Variants in CYP7A1 observed in about 807,000 individuals in gnomAD.
CYP7A1 encodes cytochrome P450 family 7 subfamily A member 1.
CYP7A1 carries 28 observed loss-of-function variants against 43.8 expected under a neutral mutation model. The ratio of observed to expected loss-of-function variants is 0.64; its 90% CI spans 0.47 to 0.88. The LOEUF (loss-of-function observed/expected upper bound fraction) is 0.88. CYP7A1 is among the 40% of genes least tolerant of loss of function. The pLI, the probability that CYP7A1 is intolerant of heterozygous loss-of-function variation, is 0.00. For synonymous variants in CYP7A1, 227 were observed against 222.5 expected (o/e 1.02, Z -0.18); for missense variants, 637 against 611.9 (o/e 1.04, Z -0.43).
At chr8:58,494,229 A>T (rs1020351377) in intron 4 of CYP7A1, among the ~76,000 whole-genome samples, 6 of 152,246 alleles carry the variant, frequency 3.9e-5, no homozygotes, top group Admixed American at 3.3e-4. Context: ...ATGGTGTGGC[A>T]GTGCAGGGTG....
rs1321573524 is a variant in CYP7A1, at chr8:58,498,281, CACAACACCTTATGGTATG to C, written c.251_268del (p.Ser84_Leu89del). ...TTTCCAATCAAAATATTTTCCGTGG[CACAACACCTTATGGTATG>C]ACAAGGGATTTGTGATGAAATGGAC... On this transcript the variant is annotated inframe_deletion, in exon 2 of 6. Transcript: ENST00000301645. The C allele has an allele frequency of 1.2e-6, 2 of 1,614,134 alleles. No individual in the cohort carries two copies. The highest frequency in any genetic ancestry group is 1.7e-6 in the Non-Finnish European group (2 of 1,180,018).
chr8:58,494,391 A>G, intron 4 of CYP7A1, 115 bp downstream of exon 4: 1 of 1,136,938 alleles, frequency 8.8e-7, no homozygotes. Flanking sequence ...GAGAAAACTC[A>G]TATGAAATAT....
Position 58,491,700 on chromosome 8 carries a change from T to C in CYP7A1, c.1290A>G (p.Leu430=). 1.9e-6 allele frequency: 3 copies of C among 1,613,586 alleles called. No homozygotes were observed. The highest frequency in any genetic ancestry group is 2.5e-6 in the Non-Finnish European group (3 of 1,179,466). The part of the protein sequence containing the change: ...KTTFYCNGLK[L]KYYYMPFGSG... ...ATCCAAAGGGCATGTAGTAATACTT[T>C]AACTTGAGTCCATTACAATAGAAGG... The change falls in exon 6 of 6, where the codon TTA becomes TTG. Residue 430 remains leucine (L), a synonymous_variant. Transcript: ENST00000301645.
intron 4 of CYP7A1, 69 bp downstream of exon 4, chr8:58,494,437 T>C: frequency 3.9e-6 from 6 of 1,527,080 alleles, no homozygotes; most frequent in Non-Finnish European, 5.4e-6. Flanking sequence ...AGTATATAAT[T>C]TATGTTGGTC....
At position 58,494,490 on chromosome 8, in the gene CYP7A1, T is replaced by A; in HGVS notation, c.1039+16A>T. ...AGGACATAGAAAATGAAACTCAACA[T>A]AACAAGTATACCCACCTAATACTGG... On this transcript the variant is annotated intron_variant, in intron 4 of 5. Transcript: ENST00000301645. 1 of 1,613,562 alleles carries A rather than the reference T, an allele frequency of 6.2e-7. No individual in the cohort carries two copies. Among genetic ancestry groups the A allele is most frequent in the Non-Finnish European group, 8.5e-7 (1 of 1,179,596 alleles).
At chr8:58,494,928 G>A (rs1222916944) in intron 3 of CYP7A1, among the ~76,000 whole-genome samples, 3 of 152,066 alleles carry the variant, frequency 2.0e-5, no homozygotes, top group Non-Finnish European at 4.4e-5. Context: ...GAGGTCAGGA[G>A]TTTGAGACCA....
At chr8:58,495,312 G>A (rs920726715) in intron 3 of CYP7A1, among the ~76,000 whole-genome samples, 31 of 150,724 alleles carry the variant, frequency 2.1e-4, no homozygotes, top group African/African-American at 6.8e-4. Context: ...CGCAAGCTCC[G>A]CCTCCCGGGT....
At position 58,491,762 on chromosome 8, in the gene CYP7A1, C is replaced by G. The variant is rs757124756; in HGVS notation, c.1228G>C (p.Asp410His). ...IYPDPLTFKY[D>H]RYLDENGKTK... The stretch of plus-strand genomic sequence containing the variant: ...TTCCCGTTTTCATCAAGATACCTAT[C>G]ATATTTAAAAGTCTGCAATAAAAAT... The change falls in exon 6 of 6, where the codon GAT becomes CAT. Residue 410 changes from aspartate (D) to histidine (H), a missense_variant. Asp to His is a moderately conservative substitution (Grantham distance 81). Coordinates refer to ENST00000301645, the MANE Select transcript of CYP7A1 (RefSeq NM_000780.4). 2.0e-5 allele frequency: 33 copies of G among 1,613,310 alleles called. No homozygotes were observed. Among genetic ancestry groups the G allele is most frequent in the Non-Finnish European group, 2.8e-5 (33 of 1,179,332 alleles).
At chr8:58,492,217 T>G in intron 5 of CYP7A1, 136 bp downstream of exon 5, 3 of 882,314 alleles carry the variant, frequency 3.4e-6, no homozygotes, top group Non-Finnish European at 1.9e-6. Context: ...CCAAAATATA[T>G]GAATATTTAA....
At chr8:58,492,197 T>A (rs552145192) in intron 5 of CYP7A1, among the ~76,000 whole-genome samples, 156 bp downstream of exon 5, 1 of 152,302 alleles carries the variant, frequency 6.6e-6, no homozygotes, top group African/African-American at 2.4e-5. Context: ...CAGACCACTA[T>A]CTAAATTTTC....
Position 58,492,505 on chromosome 8 carries a change from T to C in CYP7A1, c.1063A>G (p.Arg355Gly), listed in dbSNP as rs1809366454. 1.2e-6 allele frequency: 2 copies of C among 1,613,784 alleles called. No homozygotes were observed. The highest frequency in any genetic ancestry group is 1.7e-6 in the Non-Finnish European group (2 of 1,179,802). The change falls in exon 5 of 6, where the codon AGG becomes GGG. Residue 355 changes from arginine to glycine, a missense_variant. By Grantham distance (125) the Arg-to-Gly change is moderately radical. Transcript: ENST00000301645. ...VLDSIIKESL[R>G]LSSASLNIRT... ...ATGTTGAGGGAGGCACTGGAAAGCC[T>C]CAGCGATTCCTTGATTATACTATCT...
At chr8:58,497,336 T>C (rs1809461612) in intron 2 of CYP7A1, 146 bp from the exon 3 acceptor site, 1 of 731,862 alleles carries the variant, frequency 1.4e-6, no homozygotes. Flanking sequence ...CATAGCACTT[T>C]ACAAATAAAT....
chr8:58,492,361 C>A lies in CYP7A1; in HGVS notation c.1207G>T (p.Asp403Tyr). The change falls in exon 5 of 6, where the codon GAC (aspartate) becomes TAC (tyrosine). Residue 403 changes from aspartate to tyrosine, a missense_variant. Transcript: ENST00000301645. ...AATGGGCAGGCACTTACCAAAGGGT[C>A]TGGGTAGATTTCTGGATCTAAGTGC... ...LMHLDPEIYPDPLTFKYDRYL... is the reference protein window; with the variant it reads ...LMHLDPEIYPYPLTFKYDRYL... 6.2e-7 allele frequency: 1 copy of A among 1,613,562 alleles called. No homozygotes were observed. The highest frequency in any genetic ancestry group is 1.3e-5 in the African/African-American group (1 of 74,998).
In CYP7A1 at chr8:58,497,016, A is replaced by G. The variant is rs1408171822; in HGVS notation, c.496T>C (p.Trp166Arg). 1 of 1,612,426 alleles carries G rather than the reference A, an allele frequency of 6.2e-7. No individual in the cohort carries two copies. ...PVSSNSKTAA[W>R]VTEGMYSFCY... ...AAAGAATACATCCCTTCTGTCACCC[A>G]GGCAGCGGTCTTTGAGTTAGAGGAG... The change falls in exon 3 of 6, where the codon TGG (tryptophan) becomes CGG (arginine). Residue 166 changes from tryptophan (W) to arginine (R), a missense_variant. Physicochemically the swap from Trp to Arg is moderately radical, Grantham distance 101 (BLOSUM62 -3). Coordinates refer to ENST00000301645, the MANE Select transcript of CYP7A1 (RefSeq NM_000780.4).
In CYP7A1 at chr8:58,492,381, A is replaced by G. The variant is rs1406825308; in HGVS notation, c.1187T>C (p.Leu396Ser). 1 of 1,614,082 alleles carries G rather than the reference A, an allele frequency of 6.2e-7. No homozygotes were observed. Among genetic ancestry groups the G allele is most frequent in the Non-Finnish European group, 8.5e-7 (1 of 1,179,968 alleles). ...IIALYPQLMH[L>S]DPEIYPDPLT... The stretch of plus-strand genomic sequence containing the variant: ...AGGGTCTGGGTAGATTTCTGGATCT[A>G]AGTGCATTAACTGTGGGTAAAGAGC... Residue 396 changes from leucine (L) to serine (S), a missense_variant, in exon 5 of 6, where the codon TTA becomes TCA. Physicochemically the swap from Leu to Ser is moderately radical, Grantham distance 145. Coordinates refer to ENST00000301645, the MANE Select transcript of CYP7A1 (RefSeq NM_000780.4).
chr8:58,491,849 T>A, intron 5 of CYP7A1, 75 bp from the exon 6 acceptor site: 7 of 1,257,760 alleles, frequency 5.6e-6, no homozygotes, highest in Non-Finnish European at 8.0e-6. Flanking sequence ...ACCTGGAAGC[T>A]CCAAAGAGTA....
rs1485596573 is a variant in CYP7A1, at chr8:58,497,317, G to C, written c.322-127C>G. The C allele has an allele frequency of 4.8e-6, 4 of 825,096 alleles. No individual in the cohort carries two copies. The East Asian group carries it at 1.0e-4, about 22-fold the overall frequency. 51.1% of individuals were successfully genotyped at this position (825,096 alleles called of 1,614,324 possible). ...AAACACGGGAAATTGGCTTTCCCTT[G>C]TACAAGTTCATAGCACTTTACAAAT... On this transcript the variant is annotated intron_variant, in intron 2 of 5. Coordinates refer to ENST00000301645, the MANE Select transcript of CYP7A1 (RefSeq NM_000780.4).
intron 1 of CYP7A1, among the ~76,000 whole-genome samples, 193 bp downstream of exon 1, chr8:58,499,826 C>G (rs1233467414): frequency 2.0e-5 from 3 of 152,154 alleles, no homozygotes; most frequent in African/African-American, 7.2e-5. Flanking sequence ...AAAAGGGAAG[C>G]TGTCATATGT....
chr8:58,496,171 G>C (rs1213110454), intron 3 of CYP7A1, among the ~76,000 whole-genome samples: 1 of 152,226 alleles, frequency 6.6e-6, no homozygotes, highest in Admixed American at 6.5e-5. Context: ...GAACAAATAA[G>C]TAAGGCATAG....
Sources: allele counts gnomAD v4.1 joint callset (sites outside exome capture counted in the v4.1 genomes callset), GRCh38; gene constraint gnomAD v4.1.1; transcripts MANE v1.5; gene names NCBI Gene and HGNC (gene_info 2026-07-23, HGNC 2026-07-21).